The following LRMDA variants were observed in gnomAD, a reference collection of about 807,000 sequenced individuals.
LRMDA encodes leucine-rich melanocyte differentiation-associated protein.
A neutral mutation model predicts 29.8 loss-of-function variants in LRMDA; 18 were observed. That is an observed-to-expected ratio of 0.60 (90% CI 0.42 to 0.90). The LOEUF (loss-of-function observed/expected upper bound fraction) is 0.90, where lower values mean the gene tolerates loss of function less well. Ranked by LOEUF, LRMDA falls within the 40% of genes least tolerant of loss-of-function variation. LRMDA has a pLI of 0.00. For synonymous variants in LRMDA, 125 were observed against 109.4 expected, an observed-to-expected ratio of 1.14 and a Z score of -0.89; for missense variants, 273 against 273.9, an observed-to-expected ratio of 1.00 and a Z score of 0.02.
intron 5 of LRMDA, among the ~76,000 whole-genome samples, chr10:76,323,510 G>A (rs1589427433): frequency 6.6e-6 from 1 of 151,940 alleles, no homozygotes; most frequent in Admixed American, 6.6e-5. Flanking sequence ...AAAAAAAAAA[G>A]CTACATTTGA....
At chr10:75,538,115 A>T (rs146389625) in intron 2 of LRMDA, among the ~76,000 whole-genome samples, 1 of 152,172 alleles carries the variant, frequency 6.6e-6, no homozygotes, top group Non-Finnish European at 1.5e-5. Flanking sequence ...AGGTCTGAGG[A>T]CACAGTTGCA....
At chr10:75,606,600 G>A (rs748000365) in intron 2 of LRMDA, among the ~76,000 whole-genome samples, 6 of 152,130 alleles carry the variant, frequency 3.9e-5, no homozygotes, top group Non-Finnish European at 7.3e-5. Flanking sequence ...GGAGGTGATG[G>A]TCTCTTGGCA....
At chr10:76,198,628 C>T (rs1019844822) in intron 5 of LRMDA, among the ~76,000 whole-genome samples, 3 of 152,144 alleles carry the variant, frequency 2.0e-5, no homozygotes, top group Admixed American at 6.5e-5. Flanking sequence ...AATAACAAAG[C>T]GATATTACTC....
At chr10:75,584,887 G>C (rs1221927731) in intron 2 of LRMDA, among the ~76,000 whole-genome samples, 2 of 152,092 alleles carry the variant, frequency 1.3e-5, no homozygotes, top group African/African-American at 4.8e-5. Context: ...AGGAATTAAG[G>C]GTCCCTCTAA....
At chr10:75,541,862 T>A (rs932936441) in intron 2 of LRMDA, among the ~76,000 whole-genome samples, 2 of 152,182 alleles carry the variant, frequency 1.3e-5, no homozygotes, top group Non-Finnish European at 2.9e-5. Context: ...TCTGATACTC[T>A]GAGGGGGACA....
At chr10:75,753,931 G>A (rs1842996442) in intron 2 of LRMDA, among the ~76,000 whole-genome samples, 1 of 152,204 alleles carries the variant, frequency 6.6e-6, no homozygotes, top group African/African-American at 2.4e-5. Context: ...AGATAGCTTA[G>A]CATTTGCTGG....
chr10:76,523,680 A>G (rs546065785), intron 6 of LRMDA, among the ~76,000 whole-genome samples: 1 of 152,320 alleles, frequency 6.6e-6, no homozygotes. Context: ...AGTTTCTGTT[A>G]TTTTAATCCG....
chr10:76,164,726 A>G (rs995949163), intron 5 of LRMDA, among the ~76,000 whole-genome samples: 6 of 152,230 alleles, frequency 3.9e-5, no homozygotes, highest in Admixed American at 3.9e-4. Context: ...TTAAATGAGC[A>G]TCACAGATTG....
intron 2 of LRMDA, among the ~76,000 whole-genome samples, chr10:75,456,610 G>A (rs1844521036): frequency 6.6e-6 from 1 of 152,208 alleles, no homozygotes; most frequent in Non-Finnish European, 1.5e-5. Flanking sequence ...ACACTAGGTA[G>A]GTGCCCCTCT....
chr10:76,545,194 T>G (rs1455071614), intron 6 of LRMDA, among the ~76,000 whole-genome samples: 1 of 124,000 alleles, frequency 8.1e-6, no homozygotes, highest in Non-Finnish European at 1.8e-5. Context: ...TTTTTTTTTT[T>G]GTAGCTTGAA....
At chr10:76,368,722 G>C (rs1213363155) in intron 6 of LRMDA, among the ~76,000 whole-genome samples, 1 of 152,076 alleles carries the variant, frequency 6.6e-6, no homozygotes, top group Non-Finnish European at 1.5e-5. Context: ...CACTATTATT[G>C]TGTTGCTGTC....
At chr10:75,639,559 C>T (rs1057444248) in intron 2 of LRMDA, among the ~76,000 whole-genome samples, 5 of 152,110 alleles carry the variant, frequency 3.3e-5, no homozygotes, top group Non-Finnish European at 7.4e-5. Context: ...GTGTTGGCAC[C>T]GTGAAGAAGT....
In LRMDA at chr10:76,412,602, A is replaced by G. The variant is rs186466292; in HGVS notation, c.601+88117A>G. Among the ~76,000 whole-genome samples, 127 of 152,324 alleles carry G rather than the reference A, an allele frequency of 8.3e-4. 1 individual carries two copies. In the Middle Eastern group the frequency reaches 0.037, roughly 45 times the overall value. ...TAGGAATATAGATAAGTGTCCTTACATACAAAGCAGTATGATTCGCTGTCT... is the reference window on the plus strand; with the variant it reads ...TAGGAATATAGATAAGTGTCCTTACGTACAAAGCAGTATGATTCGCTGTCT... On this transcript the variant is annotated intron_variant, in intron 6 of 6. Transcript: ENST00000611255.
chr10:75,951,445 C>T (rs1846572619), intron 2 of LRMDA, among the ~76,000 whole-genome samples: 1 of 152,086 alleles, frequency 6.6e-6, no homozygotes, highest in African/African-American at 2.4e-5. Flanking sequence ...CCAAGCAGCT[C>T]CTCAGAGGAG....
intron 2 of LRMDA, among the ~76,000 whole-genome samples, chr10:75,971,710 A>G (rs935993290): frequency 1.3e-5 from 2 of 152,094 alleles, no homozygotes; most frequent in African/African-American, 2.4e-5. Context: ...TGCTATTAGA[A>G]TTATTGGGTA....
At chr10:76,410,553 C>T (rs1293945965) in intron 6 of LRMDA, among the ~76,000 whole-genome samples, 2 of 152,024 alleles carry the variant, frequency 1.3e-5, no homozygotes, top group African/African-American at 4.8e-5. Flanking sequence ...AAGCAATCCT[C>T]CTGCCTTGGC....
intron 2 of LRMDA, among the ~76,000 whole-genome samples, chr10:75,947,966 T>C (rs564101088): frequency 1.9e-4 from 29 of 152,294 alleles, no homozygotes; most frequent in Admixed American, 1.5e-3. Context: ...GCAGTGATAT[T>C]ATTTGGGACC....
intron 2 of LRMDA, among the ~76,000 whole-genome samples, chr10:75,520,240 G>T (rs941985059): frequency 1.3e-5 from 2 of 152,114 alleles, no homozygotes; most frequent in African/African-American, 4.8e-5. Flanking sequence ...TGGTAGGTTG[G>T]GGAAGTTTTC....
At chr10:75,749,475 CAT>C (rs761954778) in intron 2 of LRMDA, among the ~76,000 whole-genome samples, 2 of 151,880 alleles carry the variant, frequency 1.3e-5, no homozygotes, top group Non-Finnish European at 2.9e-5. Context: ...CATACACACA[CAT>C]ATATATCTGT....
Sources: allele counts gnomAD v4.1 joint callset (sites outside exome capture counted in the v4.1 genomes callset), GRCh38; gene constraint gnomAD v4.1.1; transcripts MANE v1.5; gene names NCBI Gene and HGNC (gene_info 2026-07-23, HGNC 2026-07-21).